BMAL1: variants seen among roughly 807,000 people sequenced by gnomAD.
BMAL1 encodes the protein basic helix-loop-helix ARNT like 1.
the BMAL1 span, among the ~76,000 whole-genome samples, chr11:13,345,098 A>G: frequency 1.3e-5 from 2 of 152,358 alleles, no homozygotes; most frequent in African/African-American, 4.8e-5. Context: ...AGCTCGCCAC[A>G]TCATGGAAGG....
the BMAL1 span, among the ~76,000 whole-genome samples, chr11:13,284,510 C>G: frequency 6.6e-6 from 1 of 151,262 alleles, no homozygotes; most frequent in South Asian, 2.1e-4. Context: ...TCAGAGCTCT[C>G]GTCCTGAGCT....
chr11:13,308,272 T>G, the BMAL1 span, among the ~76,000 whole-genome samples: 2,247 of 152,160 alleles, frequency 0.015, 16 homozygotes, highest in African/African-American at 0.027. Flanking sequence ...GTTGGACATG[T>G]TTAAGTTTGA....
chr11:13,359,397 G>A, the BMAL1 span, among the ~76,000 whole-genome samples: 1 of 152,200 alleles, frequency 6.6e-6, no homozygotes, highest in Non-Finnish European at 1.5e-5. Flanking sequence ...AGCTGGTTTT[G>A]TCTGACTTTA....
the BMAL1 span, among the ~76,000 whole-genome samples, chr11:13,288,599 C>G: frequency 2.0e-5 from 3 of 151,494 alleles, no homozygotes; most frequent in African/African-American, 7.3e-5. Context: ...AATGGATAAC[C>G]ACTGGATTTG....
chr11:13,311,440 T>A, the BMAL1 span, among the ~76,000 whole-genome samples: 1 of 152,136 alleles, frequency 6.6e-6, no homozygotes, highest in Non-Finnish European at 1.5e-5. Context: ...GCTGCTGAAT[T>A]TGTGACAAGG....
the BMAL1 span, among the ~76,000 whole-genome samples, chr11:13,357,739 C>G: frequency 6.0e-3 from 912 of 152,356 alleles, 7 homozygotes; most frequent in African/African-American, 0.021. This position sits in a 1 kb window ranked among gnomAD's most constrained non-coding sequence, Gnocchi z 4.8. Context: ...GGCTCTGTAT[C>G]TGCGGCAGCT....
the BMAL1 span, among the ~76,000 whole-genome samples, chr11:13,362,872 C>T: frequency 5.9e-5 from 9 of 152,000 alleles, no homozygotes; most frequent in South Asian, 1.0e-3. Flanking sequence ...AACAAGGATC[C>T]CTGCATTTTC....
the BMAL1 span, among the ~76,000 whole-genome samples, chr11:13,361,235 G>A: frequency 6.6e-6 from 1 of 152,158 alleles, no homozygotes; most frequent in Non-Finnish European, 1.5e-5. Context: ...TGGTTGAGGT[G>A]GCACTATGGG....
the BMAL1 span, among the ~76,000 whole-genome samples, chr11:13,282,912 G>A: frequency 6.6e-6 from 1 of 152,190 alleles, no homozygotes; most frequent in Admixed American, 6.5e-5. Flanking sequence ...CGGAGCAGGT[G>A]GAGGGAACAG....
the BMAL1 span, among the ~76,000 whole-genome samples, chr11:13,333,515 C>A: frequency 1.2e-3 from 180 of 152,306 alleles, no homozygotes; most frequent in South Asian, 2.5e-3. Flanking sequence ...CTCCTTCCTT[C>A]GGGCTGATCA....
the BMAL1 span, among the ~76,000 whole-genome samples, chr11:13,358,802 A>C: frequency 1.1e-3 from 172 of 152,370 alleles, no homozygotes; most frequent in Non-Finnish European, 2.2e-3. Context: ...GCAGTCACAC[A>C]TTCTCAGAGC....
chr11:13,292,758 C>T, the BMAL1 span, among the ~76,000 whole-genome samples: 1 of 151,974 alleles, frequency 6.6e-6, no homozygotes, highest in African/African-American at 2.4e-5. Context: ...GATAGTGGTC[C>T]AGGCCTAGTA....
chr11:13,356,632 TTA>T, the BMAL1 span: 22 of 1,365,434 alleles, frequency 1.6e-5, no homozygotes, highest in South Asian at 3.9e-5. Flanking sequence ...TGTTCGAACT[TTA>T]TGATTGTTTG....
the BMAL1 span, among the ~76,000 whole-genome samples, chr11:13,284,250 ATATATATATATATATAT>A: frequency 1.8e-4 from 5 of 28,264 alleles, 1 homozygote; most frequent in African/African-American, 9.0e-4. Flanking sequence ...ATATATATAT[ATATATATATATATATAT>A]TTTTTTTTTT....
the BMAL1 span, among the ~76,000 whole-genome samples, chr11:13,342,453 G>A: frequency 1.3e-5 from 2 of 152,154 alleles, no homozygotes; most frequent in Admixed American, 6.5e-5. Flanking sequence ...TTCCCCTAGT[G>A]TGCCCCATGG....
chr11:13,321,330 T>A, the BMAL1 span, among the ~76,000 whole-genome samples: 1 of 152,230 alleles, frequency 6.6e-6, no homozygotes, highest in Non-Finnish European at 1.5e-5. Context: ...GCGTGACTCC[T>A]GTATACCAAG....
the BMAL1 span, chr11:13,354,330 A>G: frequency 6.2e-7 from 1 of 1,612,204 alleles, no homozygotes; most frequent in Non-Finnish European, 8.5e-7. Flanking sequence ...GAGAATGGAC[A>G]TTTCTTCAAC....
chr11:13,309,164 GTCTGGGATATGATGTTTGAAAT>G, the BMAL1 span, among the ~76,000 whole-genome samples: 2 of 152,118 alleles, frequency 1.3e-5, no homozygotes, highest in Non-Finnish European at 2.9e-5. Flanking sequence ...CATGAACTTG[GTCTGGGATATGATGTTTGAAAT>G]GGATGCGCCA....
the BMAL1 span, chr11:13,358,665 TC>T: frequency 7.3e-6 from 10 of 1,374,742 alleles, no homozygotes; most frequent in Non-Finnish European, 8.6e-6. Flanking sequence ...AATGTTCCTA[TC>T]CCTAAGGCAG....
Sources: allele counts gnomAD v4.1 joint callset (sites outside exome capture counted in the v4.1 genomes callset), GRCh38; gene constraint gnomAD v4.1.1; non-coding constraint Gnocchi (gnomAD v3.1); transcripts MANE v1.5; gene names NCBI Gene and HGNC (gene_info 2026-07-23, HGNC 2026-07-21).